PTPRS: variants seen among roughly 807,000 people sequenced by gnomAD.
PTPRS encodes the protein protein tyrosine phosphatase receptor type S, also known as receptor-type tyrosine-protein phosphatase S.
A neutral mutation model predicts 215.3 loss-of-function variants in PTPRS; 63 were observed. That is an observed-to-expected ratio of 0.29 (90% confidence interval 0.24 to 0.36). PTPRS has a LOEUF of 0.36. PTPRS is among the 10% of genes least tolerant of loss of function. The pLI is 1.00. For synonymous variants in PTPRS, 1,404 were observed against 1,191.4 expected (o/e 1.18, Z -3.68); for missense variants, 2,258 against 2,825.8 (o/e 0.80, Z 4.56).
intron 8 of PTPRS, among the ~76,000 whole-genome samples, chr19:5,256,855 G>A (rs1478299503): frequency 4.6e-5 from 7 of 152,046 alleles, no homozygotes; most frequent in South Asian, 2.1e-4. Context: ...TGGTAGGGAC[G>A]AAGGTGGTGA....
At position 5,215,305 on chromosome 19, in the gene PTPRS, G is replaced by A. The variant is rs1255456381; in HGVS notation, c.4302C>T (p.Ile1434=). 5.0e-6 allele frequency: 8 copies of A among 1,614,030 alleles called. No homozygotes were observed. Among genetic ancestry groups the A allele is most frequent in the Non-Finnish European group, 5.9e-6 (7 of 1,180,000 alleles). The part of the protein sequence containing the change: ...NVIAYDHSRV[I]LQPIEGIMGS... ...CCGAACTACCTTCAATGGGCTGGAG[G>A]ATGACACGGGAGTGGTCATAGGCGA... The change falls in exon 28 of 38, where the codon ATC becomes ATT. Residue 1434 remains isoleucine, a synonymous_variant. Coordinates refer to ENST00000262963, the MANE Select transcript of PTPRS (RefSeq NM_002850.4).
rs578007704 is a variant in PTPRS, at chr19:5,219,414, G to C, written c.3819C>G (p.Pro1273=). The C allele has an allele frequency of 6.2e-7, 1 of 1,612,934 alleles. No individual in the cohort carries two copies. The highest frequency in any genetic ancestry group is 8.5e-7 in the Non-Finnish European group (1 of 1,179,498). ...SDPFQLDNPD[P]QPIVDGEEGL... is the part of the protein sequence containing the mutation. ...CCTCCTCGCCATCCACGATGGGCTG[G>C]GGGTCCGGGTTATCCAGCTGGAAGG... The change falls in exon 23 of 38, where the codon CCC becomes CCG. Residue 1273 remains proline, a synonymous_variant. Coordinates refer to ENST00000262963, the MANE Select transcript of PTPRS (RefSeq NM_002850.4).
At chr19:5,280,230 G>A (rs34011381) in intron 2 of PTPRS, among the ~76,000 whole-genome samples, 26,606 of 152,160 alleles carry the variant, frequency 0.17, 2,736 homozygotes, top group Non-Finnish European at 0.24. Flanking sequence ...GAAGCCCAGA[G>A]AGGCCTTAAG....
intron 7 of PTPRS, among the ~76,000 whole-genome samples, chr19:5,259,854 C>T (rs2045847685): frequency 1.3e-5 from 2 of 152,204 alleles, no homozygotes; most frequent in South Asian, 4.1e-4. Context: ...AAGACTCCGT[C>T]CCCATAGAGC....
At chr19:5,263,954 G>A (rs1006544992) in intron 5 of PTPRS, among the ~76,000 whole-genome samples, 1 of 152,240 alleles carries the variant, frequency 6.6e-6, no homozygotes, top group African/African-American at 2.4e-5. Context: ...ACGTGGACAT[G>A]TCGTGAAGCG....
chr19:5,297,186 G>A (rs1394315714), intron 1 of PTPRS, among the ~76,000 whole-genome samples: 1 of 152,192 alleles, frequency 6.6e-6, no homozygotes, highest in Non-Finnish European at 1.5e-5. Context: ...GGAGGCGGCT[G>A]CCCTTGGGGA....
intron 25 of PTPRS, among the ~76,000 whole-genome samples, chr19:5,217,820 G>A (rs2041620727): frequency 6.6e-6 from 1 of 152,180 alleles, no homozygotes; most frequent in South Asian, 2.1e-4. Context: ...GAAGAGGGAG[G>A]AGATGGTAGA....
chr19:5,272,852 A>G (rs1252763105), intron 4 of PTPRS, among the ~76,000 whole-genome samples: 1 of 151,884 alleles, frequency 6.6e-6, no homozygotes, highest in African/African-American at 2.4e-5. Context: ...ACCATGCCCA[A>G]CCCTGTTTAT....
In PTPRS at chr19:5,211,851, G is replaced by C. The variant is rs1013551382; in HGVS notation, c.5056-83C>G. On this transcript the variant is annotated intron_variant, in intron 32 of 37. Transcript: ENST00000262963. Reference sequence around the variant, plus strand: ...CTGGAGCACCAATGGTGGATAGGTAGGTAGGGGCACCCTGCCACCACCTTC... The same window carrying C: ...CTGGAGCACCAATGGTGGATAGGTACGTAGGGGCACCCTGCCACCACCTTC... 4 of 1,579,348 alleles carry C rather than the reference G, an allele frequency of 2.5e-6. No individual in the cohort carries two copies. In the African/African-American group the frequency reaches 5.4e-5, roughly 21 times the overall value.
chr19:5,340,099 G>A (rs984994696), intron 1 of PTPRS, among the ~76,000 whole-genome samples: 4 of 151,824 alleles, frequency 2.6e-5, no homozygotes, highest in Admixed American at 6.5e-5. Context: ...CCCGGAGAGG[G>A]AAGGCGGCGG....
At chr19:5,324,158 C>A (rs1053476389) in intron 1 of PTPRS, among the ~76,000 whole-genome samples, 2 of 137,412 alleles carry the variant, frequency 1.5e-5, no homozygotes, top group Admixed American at 1.7e-4. Flanking sequence ...GAACCTGAGA[C>A]AGAGGCTGTG....
chr19:5,310,318 CTT>C (rs35505548), intron 1 of PTPRS, among the ~76,000 whole-genome samples: 6,715 of 134,162 alleles, frequency 0.05, 137 homozygotes, highest in Admixed American at 0.071. Context: ...TTTTTCTTTT[CTT>C]TTTTTTTTTT....
chr19:5,209,754 G>A (rs1461413205), intron 35 of PTPRS, among the ~76,000 whole-genome samples: 1 of 152,116 alleles, frequency 6.6e-6, no homozygotes, highest in Non-Finnish European at 1.5e-5. Context: ...TTATGCGAAT[G>A]TTCTTCTCTC....
intron 2 of PTPRS, among the ~76,000 whole-genome samples, chr19:5,277,517 G>A (rs1414119042): frequency 6.6e-6 from 1 of 151,982 alleles, no homozygotes; most frequent in Admixed American, 6.6e-5. Flanking sequence ...TTAGCTGGGC[G>A]AGGTGGCAGG....
chr19:5,220,908 A>C, intron 20 of PTPRS, 92 bp downstream of exon 20: 1 of 1,437,036 alleles, frequency 7.0e-7, no homozygotes, highest in Non-Finnish European at 9.4e-7. Context: ...TAGGCAAGGA[A>C]ATTGAGGCAC....
At chr19:5,319,775 T>C (rs1283886396) in intron 1 of PTPRS, among the ~76,000 whole-genome samples, 3 of 151,914 alleles carry the variant, frequency 2.0e-5, no homozygotes, top group East Asian at 1.9e-4. Flanking sequence ...CCCCACGTTA[T>C]CTGCTTGGTT....
At chr19:5,214,256 TTC>T in intron 30 of PTPRS, 103 bp downstream of exon 30, 6 of 1,504,748 alleles carry the variant, frequency 4.0e-6, no homozygotes, top group Non-Finnish European at 4.5e-6. Flanking sequence ...ACGCTCCGCT[TTC>T]TCTCTGTCCC....
At chr19:5,318,793 C>T (rs778317679) in intron 1 of PTPRS, among the ~76,000 whole-genome samples, 2 of 152,204 alleles carry the variant, frequency 1.3e-5, no homozygotes, top group Admixed American at 6.5e-5. Flanking sequence ...GCTGGGATTA[C>T]AGGCATGAGC....
Position 5,257,928 on chromosome 19 carries a change from C to T in PTPRS, c.706+89G>A, listed in dbSNP as rs543788719. ...CCTTCCTGCTTGGGTGTGCAGGGGA[C>T]GGGGGAGCCCGGAGGCGGTGAGCCC... On this transcript the variant is annotated intron_variant, in intron 8 of 37. Transcript: ENST00000262963. This position sits in a 1 kb window ranked among gnomAD's most constrained non-coding sequence, Gnocchi z 4.4. The T allele has an allele frequency of 2.0e-3, 2,254 of 1,135,730 alleles. 36 individuals carry two copies. In the African/African-American group the frequency reaches 0.031, roughly 16 times the overall value. 70.4% of individuals were successfully genotyped at this position (1,135,730 alleles called of 1,614,324 possible).
Sources: gnomAD v4.1 joint callset for allele counts (sites outside exome capture counted in the v4.1 genomes callset) on GRCh38, gnomAD v4.1.1 for gene constraint, Gnocchi (gnomAD v3.1) non-coding constraint, MANE v1.5 for transcripts, NCBI Gene and HGNC (gene_info 2026-07-23, HGNC 2026-07-21) for gene names.